RPTOR: variants seen among roughly 807,000 people sequenced by gnomAD.
The protein encoded by RPTOR is regulatory-associated protein of mTOR.
A neutral mutation model predicts 169.9 loss-of-function variants in RPTOR; 21 were observed. The ratio of observed to expected loss-of-function variants is 0.12; its 90% confidence interval spans 0.09 to 0.18. RPTOR has a LOEUF of 0.18. RPTOR is among the 10% of genes least tolerant of loss of function. RPTOR has a pLI of 1.00. For missense variants in RPTOR, 1,133 were observed against 1,855.9 expected (o/e 0.61, Z 7.16); for synonymous variants, 732 against 753.2 (o/e 0.97, Z 0.46).
At chr17:80,822,400 GCCTCCCTAGT>G in intron 8 of RPTOR, 99 bp downstream of exon 8, 1 of 1,182,982 alleles carries the variant, frequency 8.5e-7, no homozygotes, top group Non-Finnish European at 1.2e-6. Flanking sequence ...ATCCGTGAGT[GCCTCCCTAGT>G]GAGGAAGACA....
chr17:80,648,455 T>TG (rs1313068470), intron 3 of RPTOR, among the ~76,000 whole-genome samples: 1 of 152,014 alleles, frequency 6.6e-6, no homozygotes, highest in African/African-American at 2.4e-5. Flanking sequence ...CTGCTTGACC[T>TG]GTCCACCTCA....
intron 5 of RPTOR, among the ~76,000 whole-genome samples, chr17:80,744,934 G>GTCCTGGCTACT (rs1567889600): frequency 9.0e-5 from 3 of 33,268 alleles, no homozygotes; most frequent in Non-Finnish European, 2.1e-4. Context: ...GTTACTAGCA[G>GTCCTGGCTACT]AGCCCTGGTT....
At chr17:80,873,530 G>T (rs1249945593) in intron 13 of RPTOR, among the ~76,000 whole-genome samples, 1 of 152,186 alleles carries the variant, frequency 6.6e-6, no homozygotes, top group Non-Finnish European at 1.5e-5. Context: ...CAGCAGCTTG[G>T]GAAGTGCAGT....
At chr17:80,896,406 A>G (rs1250149772) in intron 20 of RPTOR, among the ~76,000 whole-genome samples, 463 of 24,218 alleles carry the variant, frequency 0.019, 11 homozygotes, top group African/African-American at 0.041. Context: ...CCACGGCCGC[A>G]GCAACACCCC....
intron 20 of RPTOR, among the ~76,000 whole-genome samples, chr17:80,900,734 C>T (rs1290819045): frequency 1.3e-5 from 2 of 152,210 alleles, no homozygotes; most frequent in Admixed American, 6.5e-5. Context: ...ATGGGGTTCT[C>T]GGTTCACTCT....
intron 1 of RPTOR, among the ~76,000 whole-genome samples, chr17:80,607,599 T>TTATATA (rs34087784): frequency 6.8e-6 from 1 of 147,112 alleles, no homozygotes; most frequent in East Asian, 2.0e-4. Flanking sequence ...TATATGCCAT[T>TTATATA]TATATATATA....
At chr17:80,892,302 G>A (rs897952829) in intron 18 of RPTOR, among the ~76,000 whole-genome samples, 4 of 152,136 alleles carry the variant, frequency 2.6e-5, no homozygotes, top group South Asian at 4.1e-4. Context: ...CGTCTCTGCC[G>A]TGCAGGGGCT....
At chr17:80,722,401 AG>A (rs760062956) in intron 4 of RPTOR, among the ~76,000 whole-genome samples, 3 of 151,074 alleles carry the variant, frequency 2.0e-5, no homozygotes, top group Non-Finnish European at 4.4e-5. Context: ...ATGTGGAATA[AG>A]AAGAATGGAA....
At position 80,721,319 on chromosome 17, in the gene RPTOR, C is replaced by T. The variant is rs528463711; in HGVS notation, c.508-9241C>T. 6.6e-6 allele frequency among the ~76,000 whole-genome samples: 1 copy of T among 151,496 alleles called. No homozygotes were observed. The highest frequency in any genetic ancestry group is 2.5e-5 in the African/African-American group (1 of 40,798). ...CTCACGACTGTGAGTCATTGAGGCT[C>T]CTGGACGCGGCGGAAGTGCAAGCGG... On this transcript the variant is annotated intron_variant, in intron 4 of 33. Transcript: ENST00000306801. This position sits in a 1 kb window ranked among gnomAD's most constrained non-coding sequence, Gnocchi z 4.7.
chr17:80,923,945 G>A (rs1030114751), intron 23 of RPTOR: 18 of 456,500 alleles, frequency 3.9e-5, no homozygotes, highest in Non-Finnish European at 6.6e-5. Context: ...GGTGTGTCCC[G>A]GTTCTCCGCC....
intron 9 of RPTOR, among the ~76,000 whole-genome samples, chr17:80,831,718 CCTGTGTGTCA>C (rs1005850956): frequency 1.3e-5 from 2 of 151,964 alleles, no homozygotes; most frequent in African/African-American, 4.8e-5. Flanking sequence ...ACTGTGTATC[CCTGTGTGTCA>C]CTGTGTCACT....
intron 21 of RPTOR, among the ~76,000 whole-genome samples, chr17:80,919,086 G>A (rs981491117): frequency 5.9e-5 from 9 of 152,350 alleles, no homozygotes; most frequent in South Asian, 4.1e-4. Flanking sequence ...TGAGGGCACC[G>A]TGGCCCCAAG....
chr17:80,674,655 G>C (rs933513530), intron 3 of RPTOR, among the ~76,000 whole-genome samples: 1 of 152,010 alleles, frequency 6.6e-6, no homozygotes, highest in Non-Finnish European at 1.5e-5. Flanking sequence ...TAAATTGGTG[G>C]CCGGCGCCTG....
At chr17:80,611,273 A>ATTG (rs1337862135) in intron 1 of RPTOR, among the ~76,000 whole-genome samples, 1 of 151,944 alleles carries the variant, frequency 6.6e-6, no homozygotes, top group African/African-American at 2.4e-5. Flanking sequence ...TATTATTATT[A>ATTG]TTATTTGAGA....
chr17:80,723,666 T>C (rs2066305748), intron 4 of RPTOR, among the ~76,000 whole-genome samples: 1 of 151,358 alleles, frequency 6.6e-6, no homozygotes, highest in African/African-American at 2.5e-5. Flanking sequence ...TCGTTACTAC[T>C]GGAGCATTAG....
intron 1 of RPTOR, among the ~76,000 whole-genome samples, chr17:80,600,039 T>C (rs34806161): frequency 0.095 from 14,401 of 152,194 alleles, 778 homozygotes; most frequent in Middle Eastern, 0.12. Flanking sequence ...GCAAAATGCA[T>C]CTGGACTGGG....
chr17:80,677,217 A>G (rs1021504562), intron 3 of RPTOR, among the ~76,000 whole-genome samples: 1 of 152,200 alleles, frequency 6.6e-6, no homozygotes, highest in Non-Finnish European at 1.5e-5. Context: ...TGCCTTTGAC[A>G]GTGTGCTCTG....
chr17:80,591,781 ACAT>A (rs1459939041), intron 1 of RPTOR, among the ~76,000 whole-genome samples: 2 of 152,180 alleles, frequency 1.3e-5, no homozygotes, highest in African/African-American at 4.8e-5. Flanking sequence ...ACAAACAGAA[ACAT>A]CATATACCTG....
chr17:80,677,374 A>G (rs1162078951), intron 3 of RPTOR, among the ~76,000 whole-genome samples: 1 of 152,196 alleles, frequency 6.6e-6, no homozygotes, highest in Non-Finnish European at 1.5e-5. Flanking sequence ...GAGACATTCT[A>G]GGTTTCATTT....
Sources: allele counts gnomAD v4.1 joint callset (sites outside exome capture counted in the v4.1 genomes callset), GRCh38; gene constraint gnomAD v4.1.1; non-coding constraint Gnocchi (gnomAD v3.1); transcripts MANE v1.5; gene names NCBI Gene and HGNC (gene_info 2026-07-23, HGNC 2026-07-21).